MICAL2: variants seen among roughly 807,000 people sequenced by gnomAD.
MICAL2 encodes microtubule associated monooxygenase, calponin and LIM domain containing 2.
Under a neutral mutation model 127.3 loss-of-function variants are expected in MICAL2, and 77 were observed. The observed-to-expected ratio is 0.60, with a 90% CI of 0.50 to 0.73. MICAL2 has a LOEUF of 0.73. Ranked by LOEUF, MICAL2 falls within the 30% of genes least tolerant of loss-of-function variation. MICAL2 has a pLI of 0.00. For synonymous variants in MICAL2, 570 were observed against 551.1 expected (o/e 1.03, Z -0.48); for missense variants, 1,351 against 1,434.4 (o/e 0.94, Z 0.94).
At chr11:12,142,345 T>C (rs1486211270) in intron 2 of MICAL2, among the ~76,000 whole-genome samples, 6 of 152,234 alleles carry the variant, frequency 3.9e-5, no homozygotes, top group Non-Finnish European at 5.9e-5. Context: ...TTATGATGTG[T>C]CTTGGGGTGA....
chr11:12,294,462 G>A (rs201723344), downstream of MICAL2: 112 of 1,613,972 alleles, frequency 6.9e-5, no homozygotes, highest in Non-Finnish European at 8.3e-5. Flanking sequence ...CCTGCCCTCC[G>A]CACCCACAGT....
At chr11:12,292,493 T>C (rs1483862271), downstream of MICAL2, among the ~76,000 whole-genome samples, 1 of 152,236 alleles carries the variant, frequency 6.6e-6, no homozygotes, top group Non-Finnish European at 1.5e-5. Context: ...CTGCTGTTCC[T>C]TCACAGCCAT....
At chr11:12,280,519 G>A (rs888767465) in intron 1 of MICAL2, among the ~76,000 whole-genome samples, 2 of 152,184 alleles carry the variant, frequency 1.3e-5, no homozygotes, top group Non-Finnish European at 2.9e-5. Context: ...GGGGATTGGA[G>A]GGAAGGATCT....
intron 13 of MICAL2, chr11:12,225,484 G>A (rs1435954838): frequency 6.6e-6 from 1 of 152,148 alleles, no homozygotes; most frequent in African/African-American, 2.4e-5. Context: ...TAGGAGGATG[G>A]ACCGTCTTTT....
At chr11:12,282,293 A>G (rs1204791976) in intron 2 of MICAL2, among the ~76,000 whole-genome samples, 1 of 152,094 alleles carries the variant, frequency 6.6e-6, no homozygotes, top group East Asian at 1.9e-4. Flanking sequence ...CTGGCACTGA[A>G]CTGAGTACTC....
chr11:12,215,949 C>T (rs899181869), intron 7 of MICAL2, among the ~76,000 whole-genome samples: 2 of 152,180 alleles, frequency 1.3e-5, no homozygotes, highest in African/African-American at 4.8e-5. Context: ...AATTACCCGG[C>T]TCTAACTTAT....
At chr11:12,206,994 T>C (rs751303671) in intron 4 of MICAL2, among the ~76,000 whole-genome samples, 2 of 150,832 alleles carry the variant, frequency 1.3e-5, no homozygotes, top group Non-Finnish European at 3.0e-5. Context: ...GTCCATGCTT[T>C]CCATTCAAAC....
chr11:12,278,488 G>C (rs1863742350), intron 1 of MICAL2, among the ~76,000 whole-genome samples: 1 of 152,182 alleles, frequency 6.6e-6, no homozygotes, highest in Non-Finnish European at 1.5e-5. Context: ...ATAATTTTAT[G>C]GGACCACCAT....
chr11:12,322,714 CTGTG>C (rs1312745915), intron 30 of MICAL2, among the ~76,000 whole-genome samples: 5 of 152,096 alleles, frequency 3.3e-5, no homozygotes, highest in East Asian at 1.9e-4. Flanking sequence ...TACAGAATGT[CTGTG>C]TGTGTATGTA....
chr11:12,154,570 T>A (rs546033850), intron 2 of MICAL2, among the ~76,000 whole-genome samples: 1 of 152,344 alleles, frequency 6.6e-6, no homozygotes, highest in Non-Finnish European at 1.5e-5. Flanking sequence ...CTGGCTTATT[T>A]CTCTTCTCCT....
At chr11:12,210,767 C>A (rs1247239279) in intron 6 of MICAL2, among the ~76,000 whole-genome samples, 1 of 152,164 alleles carries the variant, frequency 6.6e-6, no homozygotes, top group Non-Finnish European at 1.5e-5. Flanking sequence ...CCATTTGAGC[C>A]ACTCAAGGCC....
At chr11:12,332,188 T>C (rs1172188023) in intron 32 of MICAL2, among the ~76,000 whole-genome samples, 2 of 152,122 alleles carry the variant, frequency 1.3e-5, no homozygotes, top group African/African-American at 2.4e-5. Flanking sequence ...TTTTAGGAAA[T>C]AGATATTCTT....
chr11:12,150,035 T>G (rs1397945957), intron 2 of MICAL2, among the ~76,000 whole-genome samples: 1 of 152,028 alleles, frequency 6.6e-6, no homozygotes, highest in Non-Finnish European at 1.5e-5. Flanking sequence ...GGGTGGCCTG[T>G]GAGGAGAAAA....
At chr11:12,191,472 A>AG (rs1859104250) in intron 3 of MICAL2, among the ~76,000 whole-genome samples, 1 of 5,228 alleles carries the variant, frequency 1.9e-4, no homozygotes, top group Admixed American at 1.7e-3. Flanking sequence ...ACTATGTCTC[A>AG]AAAAAAAAAA....
intron 8 of MICAL2, 95 bp downstream of exon 8, chr11:12,216,414 C>A: frequency 1.0e-6 from 1 of 956,122 alleles, no homozygotes; most frequent in Non-Finnish European, 1.7e-6. Flanking sequence ...AGAAACTGAG[C>A]GAGGGGAGGA....
At chr11:12,111,659 A>G (rs918296801) in intron 1 of MICAL2, among the ~76,000 whole-genome samples, 9 of 152,244 alleles carry the variant, frequency 5.9e-5, no homozygotes, top group African/African-American at 2.2e-4. Context: ...CGCCAGGCCT[A>G]CAGCAGTGTG....
At chr11:12,326,857 G>A (rs1401649056) in intron 31 of MICAL2, among the ~76,000 whole-genome samples, 3 of 152,210 alleles carry the variant, frequency 2.0e-5, no homozygotes, top group Admixed American at 1.3e-4. Context: ...TAGGAGCCAT[G>A]ATGACTGCTC....
chr11:12,210,784 G>A (rs1056896802), intron 6 of MICAL2, among the ~76,000 whole-genome samples: 4 of 152,230 alleles, frequency 2.6e-5, no homozygotes, highest in Admixed American at 2.6e-4. Flanking sequence ...GGCCAAATGG[G>A]TAAACTAGAG....
At chr11:12,253,294 G>A (rs572095969) in intron 22 of MICAL2, 1 of 152,458 alleles carries the variant, frequency 6.6e-6, no homozygotes, top group South Asian at 2.1e-4. Context: ...CCCAGGCAGA[G>A]CTGCCACCTC....
Sources: gnomAD v4.1 joint callset for allele counts (sites outside exome capture counted in the v4.1 genomes callset) on GRCh38, gnomAD v4.1.1 for gene constraint, MANE v1.5 for transcripts, NCBI Gene and HGNC (gene_info 2026-07-23, HGNC 2026-07-21) for gene names.